The following PITPNM3 variants were observed in gnomAD, a reference collection of about 807,000 sequenced individuals.
The protein encoded by PITPNM3 is PITPNM family member 3, also known as membrane-associated phosphatidylinositol transfer protein 3.
PITPNM3 carries 26 observed loss-of-function variants against 102.0 expected under a neutral mutation model. The ratio of observed to expected loss-of-function variants is 0.25; its 90% confidence interval spans 0.19 to 0.35. The LOEUF (loss-of-function observed/expected upper bound fraction) is 0.35. Among genes scored for constraint, PITPNM3 ranks in the 10% least tolerant of loss-of-function variants. The pLI is 1.00. For synonymous variants in PITPNM3, 578 were observed against 558.6 expected (o/e 1.03, Z -0.49); for missense variants, 1,083 against 1,346.1 (o/e 0.80, Z 3.06).
intron 8 of PITPNM3, 26 bp from the exon 9 acceptor site, chr17:6,477,239 G>A (rs765494462): frequency 6.2e-7 from 1 of 1,610,502 alleles, no homozygotes; most frequent in Non-Finnish European, 8.5e-7. Flanking sequence ...GGGGACAGGA[G>A]AGAAAAAGAC....
intron 1 of PITPNM3, among the ~76,000 whole-genome samples, chr17:6,555,857 C>A (rs1459116717): frequency 6.6e-6 from 1 of 152,014 alleles, no homozygotes; most frequent in Non-Finnish European, 1.5e-5. Context: ...GGGGGCGGGG[C>A]GGCCAGCAGC....
At chr17:6,531,824 T>C (rs2150654961) in intron 2 of PITPNM3, among the ~76,000 whole-genome samples, 1 of 152,206 alleles carries the variant, frequency 6.6e-6, no homozygotes, top group East Asian at 1.9e-4. Flanking sequence ...ATGCCGAGCT[T>C]GGGTGCAGTG....
chr17:6,454,352 G>A lies in PITPNM3; in HGVS notation c.*986C>T, dbSNP rs1177582672. On this transcript the variant is annotated 3_prime_UTR_variant, in exon 20 of 20. Coordinates refer to ENST00000262483, the MANE Select transcript of PITPNM3 (RefSeq NM_031220.4). ...AGCCCACCCAGAGAGGCTCCTTTAA[G>A]AGCCCCTCCTTTCCAGCCCACCCAG... 1 of 152,006 alleles carries A rather than the reference G, an allele frequency of 6.6e-6. No individual in the cohort carries two copies. The highest frequency in any genetic ancestry group is 2.4e-5 in the African/African-American group (1 of 41,394). 9.4% of individuals were successfully genotyped at this position (152,006 alleles called of 1,614,324 possible). A position where few individuals can be genotyped will look rare whatever the true frequency, so the allele number is the denominator to read the frequency against.
chr17:6,497,669 C>T (rs537742718), intron 4 of PITPNM3, among the ~76,000 whole-genome samples: 13 of 152,204 alleles, frequency 8.5e-5, no homozygotes, highest in Non-Finnish European at 1.5e-4. Context: ...CAGCTGCCTG[C>T]GGCCCTCACC....
intron 3 of PITPNM3, among the ~76,000 whole-genome samples, chr17:6,525,092 C>T (rs898522021): frequency 2.3e-4 from 35 of 152,210 alleles, no homozygotes; most frequent in African/African-American, 7.7e-4. Flanking sequence ...CTGCCATTAA[C>T]CACCCGTGCC....
chr17:6,542,067 C>T (rs1252917567), intron 1 of PITPNM3, among the ~76,000 whole-genome samples: 1 of 152,184 alleles, frequency 6.6e-6, no homozygotes, highest in Non-Finnish European at 1.5e-5. Flanking sequence ...GTCTCCTCCT[C>T]TCTCCATTGC....
In PITPNM3 at chr17:6,538,068, C is replaced by G; in HGVS notation, c.37G>C (p.Gly13Arg). The G allele has an allele frequency of 6.2e-7, 1 of 1,611,868 alleles. No individual in the cohort carries two copies. The highest frequency in any genetic ancestry group is 1.7e-4 in the Middle Eastern group (1 of 6,056). Residue 13 changes from glycine (G) to arginine (R), a missense_variant, in exon 2 of 20, where the codon GGC becomes CGC. Transcript: ENST00000262483. ...CGAAGGTGCCAGGGGGCACCGCCGC[C>G]CGGGGGAGGACCACCTGTTAAAGGG... is the stretch of plus-strand genomic sequence containing the variant. The part of the protein sequence containing the change: ...KAGRAGGPPP[G>R]GGAPWHLRNV...
intron 4 of PITPNM3, among the ~76,000 whole-genome samples, chr17:6,488,964 G>C (rs1163839198): frequency 6.6e-6 from 1 of 152,160 alleles, no homozygotes; most frequent in Non-Finnish European, 1.5e-5. Context: ...GCCAGCTACC[G>C]CAGTGCCAGC....
intron 2 of PITPNM3, among the ~76,000 whole-genome samples, chr17:6,528,114 C>T (rs1318096400): frequency 6.6e-6 from 1 of 152,178 alleles, no homozygotes; most frequent in African/African-American, 2.4e-5. Flanking sequence ...CAGATCTGAG[C>T]TCTCTGGACC....
At chr17:6,496,202 T>C (rs1473509552) in intron 4 of PITPNM3, among the ~76,000 whole-genome samples, 1 of 152,142 alleles carries the variant, frequency 6.6e-6, no homozygotes, top group African/African-American at 2.4e-5. Context: ...CTGTGGTTTG[T>C]GTGAGCCTTC....
At chr17:6,503,450 G>A (rs1907304721) in intron 4 of PITPNM3, 77 bp downstream of exon 4, 15 of 1,496,954 alleles carry the variant, frequency 1.0e-5, no homozygotes, top group African/African-American at 1.4e-5. Flanking sequence ...CTGAGTGGAT[G>A]AGAGGGGACC....
Position 6,472,736 on chromosome 17 carries a change from G to A in PITPNM3, c.1350C>T (p.Pro450=). The A allele has an allele frequency of 1.2e-6, 2 of 1,614,088 alleles. No homozygotes were observed. The highest frequency in any genetic ancestry group is 2.2e-5 in the South Asian group (2 of 91,088). The change falls in exon 11 of 20, where the codon CCC becomes CCT. Residue 450 remains proline, a synonymous_variant. Coordinates refer to ENST00000262483, the MANE Select transcript of PITPNM3 (RefSeq NM_031220.4). The surrounding 1 kb of genome is among the most constrained non-coding windows in gnomAD (Gnocchi z 4.1). ...TGACAGGCGGCACCAGGTGGAACTT[G>A]GGCTCCAGCAGTGGCTCGAGCCGTG... ...SASRLEPLLE[P]KFHLVPPVSV...
At chr17:6,521,558 A>G (rs1195837541) in intron 3 of PITPNM3, 1 of 151,936 alleles carries the variant, frequency 6.6e-6, no homozygotes, top group Non-Finnish European at 1.5e-5. Context: ...TTGTAAAATA[A>G]TAGTAATAAC....
At chr17:6,483,835 GC>G in intron 5 of PITPNM3, 83 bp from the exon 6 acceptor site, 1 of 1,161,070 alleles carries the variant, frequency 8.6e-7, no homozygotes, top group South Asian at 1.2e-5. Flanking sequence ...ACACATGTGC[GC>G]ATACACACAC....
At chr17:6,498,027 G>A (rs1906942563) in intron 4 of PITPNM3, among the ~76,000 whole-genome samples, 1 of 152,214 alleles carries the variant, frequency 6.6e-6, no homozygotes, top group African/African-American at 2.4e-5. Flanking sequence ...CCTGGATGGG[G>A]GCGTGGGCAG....
At chr17:6,554,154 T>C (rs1910467754) in intron 1 of PITPNM3, among the ~76,000 whole-genome samples, 1 of 151,730 alleles carries the variant, frequency 6.6e-6, no homozygotes, top group African/African-American at 2.4e-5. Flanking sequence ...CCTTCGTCTC[T>C]ACTAAAAATA....
rs1330780983 is a variant in PITPNM3, at chr17:6,455,109, T to C, written c.*229A>G. On this transcript the variant is annotated 3_prime_UTR_variant, in exon 20 of 20. Coordinates refer to ENST00000262483, the MANE Select transcript of PITPNM3 (RefSeq NM_031220.4). Reference sequence around the variant, plus strand: ...ACTTGGGCTTGCGGTCGCAGGCCCGTGGGAGGCAGCAGTGGCTGCACCGAG... The same window carrying C: ...ACTTGGGCTTGCGGTCGCAGGCCCGCGGGAGGCAGCAGTGGCTGCACCGAG... 7.1e-6 allele frequency: 4 copies of C among 561,616 alleles called. No individual in the cohort carries two copies. The highest frequency in any genetic ancestry group is 6.0e-5 in the African/African-American group (3 of 50,196). The allele number at this position is 561,616 out of a possible 1,614,324, so 34.8% of individuals were successfully genotyped here.
rs959425391 is a variant in PITPNM3 at position 6,457,940 on chromosome 17, G to A, written c.2491-218C>T. Among the ~76,000 whole-genome samples, 8 of 149,714 alleles carry A rather than the reference G, an allele frequency of 5.3e-5. No homozygotes were observed. Among genetic ancestry groups the A allele is most frequent in the Admixed American group, 6.6e-5 (1 of 15,094 alleles). On this transcript the variant is annotated intron_variant, in intron 18 of 19. Coordinates refer to ENST00000262483, the MANE Select transcript of PITPNM3 (RefSeq NM_031220.4). This position sits in a 1 kb window ranked among gnomAD's most constrained non-coding sequence, Gnocchi z 4.7. Reference sequence around the variant, plus strand: ...CCAGGTCTCTGCCCAGTAAACAGTCGTGACCACACCATTTACCGGCCCCGC... The same window carrying A: ...CCAGGTCTCTGCCCAGTAAACAGTCATGACCACACCATTTACCGGCCCCGC...
intron 4 of PITPNM3, among the ~76,000 whole-genome samples, chr17:6,500,119 G>C (rs1907085190): frequency 6.6e-6 from 1 of 152,168 alleles, no homozygotes; most frequent in African/African-American, 2.4e-5. Flanking sequence ...TACTAGACGA[G>C]AGAAGCTGAG....
Sources: gnomAD v4.1 joint callset for allele counts (sites outside exome capture counted in the v4.1 genomes callset) on GRCh38, gnomAD v4.1.1 for gene constraint, Gnocchi (gnomAD v3.1) non-coding constraint, MANE v1.5 for transcripts, NCBI Gene and HGNC (gene_info 2026-07-23, HGNC 2026-07-21) for gene names.